ELMO1: variants seen among roughly 807,000 people sequenced by gnomAD.
ELMO1 encodes the protein engulfment and cell motility protein 1.
In ELMO1, 26 loss-of-function variants were observed where a neutral mutation model predicts 98.9. That is an observed-to-expected ratio of 0.26 (90% CI 0.19 to 0.36). The LOEUF (loss-of-function observed/expected upper bound fraction) is 0.36. Among genes scored for constraint, ELMO1 ranks in the 10% least tolerant of loss-of-function variants. The pLI is 1.00. For synonymous variants in ELMO1, 346 were observed against 346.0 expected (o/e 1.00, Z 0.00); for missense variants, 627 against 935.2 (o/e 0.67, Z 4.30).
At chr7:37,181,284 G>A (rs117967103) in intron 13 of ELMO1, among the ~76,000 whole-genome samples, 5,324 of 152,098 alleles carry the variant, frequency 0.035, 133 homozygotes, top group Middle Eastern at 0.088. Context: ...CCTGAGAACC[G>A]TCTCTGAAAC....
intron 1 of ELMO1, among the ~76,000 whole-genome samples, chr7:37,384,549 T>C (rs939028818): frequency 5.9e-5 from 9 of 151,920 alleles, no homozygotes; most frequent in African/African-American, 2.2e-4. Flanking sequence ...TGAAACCCCG[T>C]CTCTACTAAA....
chr7:37,114,970 A>G (rs1411313813), intron 14 of ELMO1, among the ~76,000 whole-genome samples: 1 of 152,192 alleles, frequency 6.6e-6, no homozygotes, highest in Non-Finnish European at 1.5e-5. Flanking sequence ...TATTATGAAC[A>G]AGTCTATGCT....
intron 13 of ELMO1, among the ~76,000 whole-genome samples, chr7:37,172,405 C>G (rs556402265): frequency 6.6e-6 from 1 of 152,014 alleles, no homozygotes; most frequent in Admixed American, 6.6e-5. Flanking sequence ...AGGAAATGTT[C>G]TCTCTGTATT....
At chr7:36,896,181 T>C (rs1179896920) in intron 16 of ELMO1, among the ~76,000 whole-genome samples, 1 of 152,138 alleles carries the variant, frequency 6.6e-6, no homozygotes, top group Non-Finnish European at 1.5e-5. Flanking sequence ...CCTTATTTAA[T>C]CCTCCCTCCA....
intron 13 of ELMO1, among the ~76,000 whole-genome samples, chr7:37,158,629 G>A (rs1418376380): frequency 1.1e-4 from 17 of 152,278 alleles, no homozygotes; most frequent in African/African-American, 2.4e-5. Context: ...AGTTAGAATG[G>A]CGATCATTAA....
chr7:37,375,887 C>A (rs1198663928), intron 1 of ELMO1: 1 of 682,740 alleles, frequency 1.5e-6, no homozygotes, highest in Non-Finnish European at 2.7e-6. Flanking sequence ...AGAGGGGAAG[C>A]CAACAGAGAT....
At chr7:37,104,155 A>C (rs935849071) in intron 14 of ELMO1, among the ~76,000 whole-genome samples, 2 of 151,922 alleles carry the variant, frequency 1.3e-5, no homozygotes, top group Admixed American at 1.3e-4. Context: ...GGTGTTGTCT[A>C]ATCACATTGT....
At chr7:37,050,609 AACACACACACACACACACAC>A (rs60918785) in intron 15 of ELMO1, among the ~76,000 whole-genome samples, 3 of 129,534 alleles carry the variant, frequency 2.3e-5, no homozygotes, top group African/African-American at 2.9e-5. Context: ...AGGTGCTCTG[AACACACACACACACACACAC>A]ACACACACAC....
chr7:37,351,954 A>T (rs1001859903), intron 1 of ELMO1, among the ~76,000 whole-genome samples: 1 of 152,214 alleles, frequency 6.6e-6, no homozygotes, highest in Non-Finnish European at 1.5e-5. Flanking sequence ...GGATTGCAAG[A>T]GTTAGTCTCA....
intron 4 of ELMO1, among the ~76,000 whole-genome samples, chr7:37,296,976 C>T (rs1236285548): frequency 1.3e-5 from 2 of 152,164 alleles, no homozygotes; most frequent in East Asian, 1.9e-4. Context: ...GCAGCAGCAG[C>T]GAACTTGCTG....
chr7:36,902,236 A>G (rs1371426545), intron 16 of ELMO1, among the ~76,000 whole-genome samples: 1 of 152,250 alleles, frequency 6.6e-6, no homozygotes, highest in Admixed American at 6.5e-5. Context: ...CATTAATAAA[A>G]GCAAAAAAGC....
chr7:37,426,964 C>T (rs375714118), intron 1 of ELMO1, among the ~76,000 whole-genome samples: 2 of 151,970 alleles, frequency 1.3e-5, no homozygotes, highest in Admixed American at 1.3e-4. Flanking sequence ...GAAACATTTA[C>T]TCAGGATTTT....
At chr7:37,061,183 T>G (rs537704520) in intron 15 of ELMO1, among the ~76,000 whole-genome samples, 1 of 152,128 alleles carries the variant, frequency 6.6e-6, no homozygotes, top group African/African-American at 2.4e-5. Context: ...TCTAGCAGAA[T>G]AGAAAAGGTA....
At chr7:37,005,310 T>C (rs781446088) in intron 16 of ELMO1, among the ~76,000 whole-genome samples, 116 of 151,876 alleles carry the variant, frequency 7.6e-4, no homozygotes, top group Non-Finnish European at 1.2e-3. Flanking sequence ...TGAAAATTGG[T>C]CACCCTCTAA....
chr7:37,087,046 T>G (rs1468191540), intron 15 of ELMO1, among the ~76,000 whole-genome samples: 3 of 152,216 alleles, frequency 2.0e-5, no homozygotes, highest in African/African-American at 7.2e-5. Flanking sequence ...CACCTAAGTT[T>G]CCAAGATGTT....
At chr7:37,444,937 T>C (rs1805548765) in intron 1 of ELMO1, among the ~76,000 whole-genome samples, 1 of 152,240 alleles carries the variant, frequency 6.6e-6, no homozygotes, top group African/African-American at 2.4e-5. Flanking sequence ...GATAGCTAAG[T>C]ATTTCTTGTA....
At chr7:37,361,272 G>A (rs1188240243) in intron 1 of ELMO1, among the ~76,000 whole-genome samples, 2 of 152,038 alleles carry the variant, frequency 1.3e-5, no homozygotes, top group Non-Finnish European at 2.9e-5. Flanking sequence ...TAAACAAAAC[G>A]TCATCCATAC....
chr7:36,885,871 C>T (rs1804947537), intron 18 of ELMO1, among the ~76,000 whole-genome samples: 2 of 152,128 alleles, frequency 1.3e-5, no homozygotes, highest in South Asian at 2.1e-4. Context: ...GCAGTAGCTC[C>T]CTTGTTTTGC....
chr7:37,353,185 T>C (rs1231536634), intron 1 of ELMO1: 2 of 152,220 alleles, frequency 1.3e-5, no homozygotes, highest in Non-Finnish European at 2.9e-5. Flanking sequence ...TCCCTCTTCA[T>C]AAATGGCTTG....
Sources: gnomAD v4.1 joint callset for allele counts (sites outside exome capture counted in the v4.1 genomes callset) on GRCh38, gnomAD v4.1.1 for gene constraint, MANE v1.5 for transcripts, NCBI Gene and HGNC (gene_info 2026-07-23, HGNC 2026-07-21) for gene names.